Variants in MAST4 observed in about 807,000 individuals in gnomAD.
The protein encoded by MAST4 is microtubule-associated serine/threonine-protein kinase 4.
A neutral mutation model predicts 162.7 loss-of-function variants in MAST4; 89 were observed. The observed-to-expected ratio is 0.55, with a 90% CI of 0.46 to 0.65. The LOEUF is 0.65. MAST4 is among the 30% of genes least tolerant of loss of function. MAST4 has a pLI of 0.00. For missense variants in MAST4, 3,153 were observed against 3,374.0 expected, an observed-to-expected ratio of 0.93 and a Z score of 1.62; for synonymous variants, 1,479 against 1,361.1, an observed-to-expected ratio of 1.09 and a Z score of -1.91.
At chr5:67,145,972 T>C (rs1279597857) in intron 23 of MAST4, among the ~76,000 whole-genome samples, 5 of 152,254 alleles carry the variant, frequency 3.3e-5, no homozygotes, top group African/African-American at 1.2e-4. Flanking sequence ...CGCTTAATGC[T>C]GTTCTGGTCC....
chr5:66,978,279 A>G (rs1748378818), intron 4 of MAST4, among the ~76,000 whole-genome samples: 1 of 152,224 alleles, frequency 6.6e-6, no homozygotes, highest in Non-Finnish European at 1.5e-5. Flanking sequence ...GGTGAGTTGT[A>G]GTAATGAGAG....
At chr5:66,934,831 C>T (rs1742557145) in intron 4 of MAST4, among the ~76,000 whole-genome samples, 1 of 152,146 alleles carries the variant, frequency 6.6e-6, no homozygotes, top group Non-Finnish European at 1.5e-5. Context: ...AAACCATGAG[C>T]TCTGATGAGT....
chr5:66,703,286 TTG>T (rs1390081031), intron 1 of MAST4, among the ~76,000 whole-genome samples: 1 of 152,208 alleles, frequency 6.6e-6, no homozygotes, highest in African/African-American at 2.4e-5. Flanking sequence ...TAAGCTTACT[TTG>T]TGCAGCATTT....
chr5:66,816,978 C>T (rs775854384), intron 3 of MAST4, among the ~76,000 whole-genome samples: 6 of 152,190 alleles, frequency 3.9e-5, no homozygotes, highest in East Asian at 1.9e-4. Context: ...CTGTTCACCT[C>T]GTCTCTCAAA....
At chr5:66,788,152 T>C (rs1022121604) in intron 2 of MAST4, among the ~76,000 whole-genome samples, 2 of 152,194 alleles carry the variant, frequency 1.3e-5, no homozygotes, top group African/African-American at 4.8e-5. Flanking sequence ...CACAGTTGGA[T>C]GGCCACCTGC....
chr5:67,058,520 A>T (rs574890927), intron 5 of MAST4, among the ~76,000 whole-genome samples: 2 of 152,296 alleles, frequency 1.3e-5, no homozygotes, highest in African/African-American at 4.8e-5. Flanking sequence ...TTTTATTTAA[A>T]TTTTTCTTCA....
intron 5 of MAST4, among the ~76,000 whole-genome samples, chr5:67,072,894 G>GT (rs1554092526): frequency 6.6e-6 from 1 of 152,034 alleles, no homozygotes; most frequent in Non-Finnish European, 1.5e-5. Flanking sequence ...AACTTTATTT[G>GT]AAAAGTAAAC....
At chr5:66,904,356 TG>T (rs1319892553) in intron 4 of MAST4, among the ~76,000 whole-genome samples, 6 of 152,296 alleles carry the variant, frequency 3.9e-5, no homozygotes, top group African/African-American at 1.4e-4. Context: ...TAGAGTGCCT[TG>T]ATGGTGTTTA....
At chr5:66,821,027 CTG>C (rs980862695) in intron 3 of MAST4, among the ~76,000 whole-genome samples, 1 of 152,212 alleles carries the variant, frequency 6.6e-6, no homozygotes, top group Non-Finnish European at 1.5e-5. Flanking sequence ...GGAAGGAAAA[CTG>C]AACACAGGAA....
intron 19 of MAST4, among the ~76,000 whole-genome samples, chr5:67,138,837 G>A (rs910114277): frequency 2.6e-5 from 4 of 152,094 alleles, no homozygotes; most frequent in African/African-American, 7.2e-5. Flanking sequence ...GGAGCATTTC[G>A]GATTTTAAAT....
chr5:66,896,581 G>C lies in MAST4; in HGVS notation c.643-3370G>C, dbSNP rs111665203. On this transcript the variant is annotated intron_variant, in intron 3 of 28. Coordinates refer to ENST00000403625, the MANE Select transcript of MAST4 (RefSeq NM_001164664.2). ...CTTTTAAATCATAAATTTACCCTTA[G>C]TTAGAAAAGAAGCGTTCAGAGATTC... 3.2e-3 allele frequency among the ~76,000 whole-genome samples: 492 copies of C among 152,316 alleles called. 3 individuals carry two copies. The highest frequency in any genetic ancestry group is 0.011 in the African/African-American group (478 of 41,570).
intron 5 of MAST4, among the ~76,000 whole-genome samples, chr5:67,074,544 A>T (rs1761366170): frequency 6.6e-6 from 1 of 152,174 alleles, no homozygotes; most frequent in African/African-American, 2.4e-5. Context: ...AACACCCTAA[A>T]CATTAAATAC....
intron 1 of MAST4, among the ~76,000 whole-genome samples, chr5:66,681,896 G>A (rs946008481): frequency 6.6e-6 from 1 of 152,158 alleles, no homozygotes; most frequent in African/African-American, 2.4e-5. Context: ...GGTAGTTTTA[G>A]ATTCATAAAC....
chr5:66,679,789 A>C (rs1481218601), intron 1 of MAST4, among the ~76,000 whole-genome samples: 1 of 152,004 alleles, frequency 6.6e-6, no homozygotes, highest in Non-Finnish European at 1.5e-5. Context: ...TGTCCTTCAC[A>C]GCAGGCACTC....
chr5:66,788,573 G>A (rs1755225361), intron 2 of MAST4, 97 bp from the exon 3 acceptor site: 3 of 1,366,654 alleles, frequency 2.2e-6, no homozygotes, highest in South Asian at 2.4e-5. Context: ...TACAGAACAA[G>A]GTTGGCCAGG....
At chr5:66,907,476 A>G (rs1220640124) in intron 4 of MAST4, among the ~76,000 whole-genome samples, 2 of 152,068 alleles carry the variant, frequency 1.3e-5, no homozygotes, top group African/African-American at 2.4e-5. Flanking sequence ...TCCTGTCTCA[A>G]TCATATTGAA....
chr5:66,755,742 CAT>C (rs887420447), intron 1 of MAST4, among the ~76,000 whole-genome samples: 4 of 152,138 alleles, frequency 2.6e-5, no homozygotes, highest in African/African-American at 9.7e-5. Context: ...AGCTAATTAA[CAT>C]ATGTATTACC....
At chr5:67,033,475 T>G (rs559349003) in intron 4 of MAST4, among the ~76,000 whole-genome samples, 1 of 151,912 alleles carries the variant, frequency 6.6e-6, no homozygotes, top group East Asian at 1.9e-4. Context: ...AGGATTTATA[T>G]TCTAAAAAAT....
At chr5:66,700,790 TATATATATATACACAC>T (rs1043605843) in intron 1 of MAST4, among the ~76,000 whole-genome samples, 8 of 106,754 alleles carry the variant, frequency 7.5e-5, no homozygotes, top group African/African-American at 3.1e-4. Context: ...ATTATATATA[TATATATATATACACAC>T]ACACACACAC....
Sources: allele counts gnomAD v4.1 joint callset (sites outside exome capture counted in the v4.1 genomes callset), GRCh38; gene constraint gnomAD v4.1.1; transcripts MANE v1.5; gene names NCBI Gene and HGNC (gene_info 2026-07-23, HGNC 2026-07-21).